Variants in CEP170 observed in about 807,000 individuals in gnomAD.
CEP170 encodes the protein centrosomal protein 170, also known as centrosomal protein of 170 kDa.
In CEP170, 21 loss-of-function variants were observed where a neutral mutation model predicts 151.9. That is an observed-to-expected ratio of 0.14 (90% confidence interval 0.10 to 0.20). The LOEUF is 0.20. Ranked by LOEUF, CEP170 falls within the 10% of genes least tolerant of loss-of-function variation. The pLI is 1.00. For missense variants in CEP170, 964 were observed against 1,892.9 expected, an observed-to-expected ratio of 0.51 and a Z score of 9.11; for synonymous variants, 356 against 648.8, an observed-to-expected ratio of 0.55 and a Z score of 6.86.
At chr1:243,251,780 T>C (rs2065962263) in intron 1 of CEP170, among the ~76,000 whole-genome samples, 1 of 152,206 alleles carries the variant, frequency 6.6e-6, no homozygotes, top group South Asian at 2.1e-4. Flanking sequence ...CCTGTTTGTA[T>C]GTAAGTAGAT....
At chr1:243,215,864 G>T (rs191231966) in intron 3 of CEP170, among the ~76,000 whole-genome samples, 6 of 152,012 alleles carry the variant, frequency 3.9e-5, no homozygotes, top group Non-Finnish European at 8.8e-5. Context: ...ACCTGCTGAC[G>T]TGATGTCTCC....
At chr1:243,215,786 C>T (rs759108532) in intron 3 of CEP170, among the ~76,000 whole-genome samples, 7 of 152,128 alleles carry the variant, frequency 4.6e-5, no homozygotes, top group Non-Finnish European at 8.8e-5. Context: ...CCTATTCATA[C>T]ACTCCCTCCC....
rs186267605 is a variant in CEP170 at position 243,127,793 on chromosome 1, C to A, written c.4465+456G>T. ...TCTTTCACTTTCTTCTCTCCTTTCT[C>A]TTCTGGTCTCTATGGCCAATATGTA... On this transcript the variant is annotated intron_variant, in intron 19 of 19. Transcript: ENST00000366542. Among the ~76,000 whole-genome samples the A allele has an allele frequency of 2.2e-3, 330 of 152,306 alleles. 1 individual carries two copies. Among genetic ancestry groups the A allele is most frequent in the African/African-American group, 7.6e-3 (317 of 41,552 alleles).
At chr1:243,229,000 G>C (rs1382796144) in intron 1 of CEP170, among the ~76,000 whole-genome samples, 1 of 152,232 alleles carries the variant, frequency 6.6e-6, no homozygotes, top group Non-Finnish European at 1.5e-5. Context: ...GTGGGAATGT[G>C]ATATAACAGG....
chr1:243,183,484 T>C (rs1461916453), intron 10 of CEP170, among the ~76,000 whole-genome samples: 2 of 152,188 alleles, frequency 1.3e-5, no homozygotes, highest in Admixed American at 6.5e-5. Context: ...CTGGCTGTTG[T>C]TGGTCTTTGT....
At chr1:243,171,401 A>C (rs1321779363) in intron 11 of CEP170, among the ~76,000 whole-genome samples, 1 of 152,176 alleles carries the variant, frequency 6.6e-6, no homozygotes, top group East Asian at 1.9e-4. Context: ...AACAAATCTT[A>C]TTTATACTTC....
At chr1:243,177,799 C>A (rs1438508136) in intron 10 of CEP170, among the ~76,000 whole-genome samples, 1 of 152,168 alleles carries the variant, frequency 6.6e-6, no homozygotes, top group Non-Finnish European at 1.5e-5. Flanking sequence ...ATTTTTATCA[C>A]ATATTTGTAA....
chr1:243,155,953 T>C lies in CEP170; in HGVS notation c.3911+268A>G, dbSNP rs12068328. On this transcript the variant is annotated intron_variant, in intron 14 of 19. Transcript: ENST00000366542. Reference sequence around the variant, plus strand: ...TCAAAGTTTCACTTACTTATCACCATCTTTAAAAGAAATTCTTAAAAAGGG... The same window carrying C: ...TCAAAGTTTCACTTACTTATCACCACCTTTAAAAGAAATTCTTAAAAAGGG... Among the ~76,000 whole-genome samples, 47,364 of 151,576 alleles carry C rather than the reference T, an allele frequency of 0.31. 7,732 individuals carry two copies. Among genetic ancestry groups the C allele is most frequent in the South Asian group, 0.48 (2,293 of 4,794 alleles).
intron 13 of CEP170, among the ~76,000 whole-genome samples, chr1:243,158,912 C>T (rs891466824): frequency 2.6e-5 from 4 of 151,774 alleles, no homozygotes; most frequent in Non-Finnish European, 4.4e-5. Flanking sequence ...ACTAAAAATA[C>T]AAAAATTAGC....
intron 14 of CEP170, among the ~76,000 whole-genome samples, chr1:243,142,731 G>A (rs1625943): frequency 0.038 from 5,845 of 152,232 alleles, 377 homozygotes; most frequent in African/African-American, 0.13. Context: ...AACACACACT[G>A]TGTTAATGAC....
At chr1:243,214,437 C>T (rs150176565) in intron 3 of CEP170, among the ~76,000 whole-genome samples, 2,034 of 151,676 alleles carry the variant, frequency 0.013, 45 homozygotes, top group African/African-American at 0.046. Flanking sequence ...AGGCACCTGC[C>T]GCCACGCCTG....
chr1:243,192,819 C>A, intron 7 of CEP170, among the ~76,000 whole-genome samples: 1 of 152,172 alleles, frequency 6.6e-6, no homozygotes, highest in Admixed American at 6.6e-5. Flanking sequence ...AGTAACATCT[C>A]TCTTTCATAA....
chr1:243,124,745 C>G lies in CEP170; in HGVS notation c.*1704G>C, dbSNP rs2053573176. The G allele has an allele frequency of 6.5e-6, 1 of 152,684 alleles. No individual in the cohort carries two copies. The highest frequency in any genetic ancestry group is 2.1e-4 in the South Asian group (1 of 4,822). 9.5% of individuals were successfully genotyped at this position (152,684 alleles called of 1,614,324 possible). ...CCAACTTTTTCTTCAAATGGATTGA[C>G]CCTGTTTTAACATTTCGTTTATTCC... On this transcript the variant is annotated 3_prime_UTR_variant, in exon 20 of 20. Coordinates refer to ENST00000366542, the MANE Select transcript of CEP170 (RefSeq NM_014812.3).
intron 4 of CEP170, among the ~76,000 whole-genome samples, chr1:243,207,215 A>G (rs1312053583): frequency 6.6e-6 from 1 of 152,228 alleles, no homozygotes; most frequent in Non-Finnish European, 1.5e-5. Flanking sequence ...TTAAAAATAT[A>G]AGTAGACAAC....
intron 2 of CEP170, among the ~76,000 whole-genome samples, chr1:243,223,237 A>C (rs1300964202): frequency 6.6e-6 from 1 of 152,214 alleles, no homozygotes; most frequent in Admixed American, 6.5e-5. Context: ...TCTCTCTCTG[A>C]GGAAAAGAGT....
rs552159978 is a variant in CEP170, at chr1:243,128,600, T to C, written c.4414-300A>G. On this transcript the variant is annotated intron_variant, in intron 18 of 19. Coordinates refer to ENST00000366542, the MANE Select transcript of CEP170 (RefSeq NM_014812.3). ...TTTTTTTTTTGAGACCGAGTCTCAC[T>C]CTGTCGCCCAGACTGGAGTGCAATG... The C allele has an allele frequency of 1.1e-3, 277 of 247,612 alleles. 2 individuals are homozygous for C. The highest frequency in any genetic ancestry group is 1.6e-3 in the Admixed American group (27 of 16,890). 15.3% of individuals were successfully genotyped at this position (247,612 alleles called of 1,614,324 possible). A position where few individuals can be genotyped will look rare whatever the true frequency, so the allele number is the denominator to read the frequency against.
In CEP170 at chr1:243,139,947, C is replaced by T; in HGVS notation, c.4220G>A (p.Ser1407Asn). ...TTATAGTTTACTTACTTCATCCCTG[C>T]TCCAGGTTCTCCGCCTTGTAATTGT... ...HLTITRRRTW[S>N]RDEVMGDNLL... Residue 1407 changes from serine (S) to asparagine (N), a missense_variant, in exon 16 of 20, where the codon AGC (serine) becomes AAC (asparagine). Transcript: ENST00000366542. 1 of 1,610,980 alleles carries T rather than the reference C, an allele frequency of 6.2e-7. No homozygotes were observed. The highest frequency in any genetic ancestry group is 8.5e-7 in the Non-Finnish European group (1 of 1,177,778).
At chr1:243,148,579 AATAAC>A (rs2056763287) in intron 14 of CEP170, among the ~76,000 whole-genome samples, 1 of 152,170 alleles carries the variant, frequency 6.6e-6, no homozygotes, top group South Asian at 2.1e-4. Context: ...CTCAAAATAA[AATAAC>A]ATAATTTTAA....
chr1:243,190,677 T>G (rs995089229), intron 8 of CEP170, among the ~76,000 whole-genome samples: 1 of 152,194 alleles, frequency 6.6e-6, no homozygotes, highest in African/African-American at 2.4e-5. Context: ...GAATATATCT[T>G]TTCCTTAAAT....
Sources: gnomAD v4.1 joint callset for allele counts (sites outside exome capture counted in the v4.1 genomes callset) on GRCh38, gnomAD v4.1.1 for gene constraint, MANE v1.5 for transcripts, NCBI Gene and HGNC (gene_info 2026-07-23, HGNC 2026-07-21) for gene names.